The following MTF2 variants were observed in gnomAD, a reference collection of about 807,000 sequenced individuals.
MTF2 encodes metal-response element-binding transcription factor 2.
In MTF2, 11 loss-of-function variants were observed where a neutral mutation model predicts 79.5. That is an observed-to-expected ratio of 0.14 (90% CI 0.09 to 0.23). The LOEUF is 0.23. MTF2 is among the 10% of genes least tolerant of loss of function. The pLI, the probability that MTF2 is intolerant of heterozygous loss-of-function variation, is 1.00. For synonymous variants in MTF2, 208 were observed against 232.8 expected (o/e 0.89, Z 0.97); for missense variants, 486 against 711.2 (o/e 0.68, Z 3.60).
At chr1:93,111,768 C>G (rs530868337) in intron 3 of MTF2, among the ~76,000 whole-genome samples, 48 of 152,182 alleles carry the variant, frequency 3.2e-4, no homozygotes, top group African/African-American at 1.1e-3. Context: ...TAGGAGATCT[C>G]CAACACTACT....
intron 1 of MTF2, among the ~76,000 whole-genome samples, chr1:93,083,919 ACTGT>A (rs1301568926): frequency 2.6e-5 from 4 of 152,100 alleles, no homozygotes; most frequent in African/African-American, 9.7e-5. Flanking sequence ...AAAAAATGGG[ACTGT>A]CTTTTTATTC....
intron 11 of MTF2, among the ~76,000 whole-genome samples, chr1:93,133,382 T>G (rs899200033): frequency 6.6e-6 from 1 of 152,106 alleles, no homozygotes; most frequent in Non-Finnish European, 1.5e-5. Flanking sequence ...AGTTTTGAAA[T>G]CTTCCATCCA....
chr1:93,082,661 G>A (rs1557537949), intron 1 of MTF2, among the ~76,000 whole-genome samples: 2 of 152,016 alleles, frequency 1.3e-5, no homozygotes. Context: ...TAACTGTACA[G>A]TTGTTAATAA....
Position 93,079,452 on chromosome 1 carries a change from G to T in MTF2, c.-75G>T, listed in dbSNP as rs1277826241. On this transcript the variant is annotated 5_prime_UTR_variant, in exon 1 of 15. Coordinates refer to ENST00000370298, the MANE Select transcript of MTF2 (RefSeq NM_007358.4). The stretch of plus-strand genomic sequence containing the variant: ...GGGTGCCCAGTAAGTGCTCGGACTC[G>T]CAGGGGAAGCGCCCACGGGGACGGA... 40 of 1,601,668 alleles carry T rather than the reference G, an allele frequency of 2.5e-5. No individual in the cohort carries two copies. The highest frequency in any genetic ancestry group is 3.4e-5 in the Non-Finnish European group (40 of 1,169,918).
rs1655980294 is a variant in MTF2 at position 93,110,365 on chromosome 1, A to G, written c.141A>G (p.Glu47=). ...HKAKKPACKF[E]EGQDVLARWS... is the part of the protein sequence containing the mutation. ...CCAAAAAGCCAGCATGTAAATTTGA[A>G]GAGGGTCAGGATGTCCTAGCTAGAT... Residue 47 remains glutamate, a synonymous_variant, in exon 2 of 15, where the codon GAA becomes GAG. Coordinates refer to ENST00000370298, the MANE Select transcript of MTF2 (RefSeq NM_007358.4). 1 of 1,614,096 alleles carries G rather than the reference A, an allele frequency of 6.2e-7. No homozygotes were observed. The highest frequency in any genetic ancestry group is 1.7e-5 in the Admixed American group (1 of 60,002).
intron 9 of MTF2, among the ~76,000 whole-genome samples, chr1:93,122,850 TTAA>T (rs1451062987): frequency 1.3e-5 from 2 of 152,130 alleles, no homozygotes; most frequent in South Asian, 2.1e-4. Flanking sequence ...GGGTGAGTTT[TTAA>T]TAATAAAGAG....
In MTF2 at chr1:93,128,543, G is replaced by A. The variant is rs568387596; in HGVS notation, c.990-735G>A. 4.3e-4 allele frequency among the ~76,000 whole-genome samples: 52 copies of A among 120,906 alleles called. 1 individual carries two copies. The highest frequency in any genetic ancestry group is 1.3e-3 in the South Asian group (4 of 3,136). 79.3% of individuals were successfully genotyped at this position (120,906 alleles called of 152,430 possible). ...TGCACTCTAGCCTGGGTGACAGAGC[G>A]AGACTCTGTCTCAAAAAAAAAAAAA... On this transcript the variant is annotated intron_variant, in intron 10 of 14. Transcript: ENST00000370298.
intron 1 of MTF2, among the ~76,000 whole-genome samples, chr1:93,082,244 A>T (rs1385200927): frequency 6.6e-6 from 1 of 152,010 alleles, no homozygotes; most frequent in African/African-American, 2.4e-5. Flanking sequence ...AGTGAGCAGA[A>T]TAGAATAGTG....
At chr1:93,095,427 G>A (rs1438869304) in intron 1 of MTF2, among the ~76,000 whole-genome samples, 3 of 151,896 alleles carry the variant, frequency 2.0e-5, no homozygotes, top group Admixed American at 6.6e-5. Context: ...TGCAACCTCC[G>A]CCTCCTGGGT....
At position 93,138,476 on chromosome 1, in the gene MTF2, G is replaced by A. The variant is rs1647490862; in HGVS notation, c.*1449G>A. ...TTAGTACTTATTTATTCCATTAATTGATTATTTGACTGTTTATAAAGAAAG... is the reference window on the plus strand; with the variant it reads ...TTAGTACTTATTTATTCCATTAATTAATTATTTGACTGTTTATAAAGAAAG... On this transcript the variant is annotated 3_prime_UTR_variant, in exon 15 of 15. Transcript: ENST00000370298. The A allele has an allele frequency of 6.6e-6, 1 of 152,156 alleles. No homozygotes were observed. The highest frequency in any genetic ancestry group is 6.5e-5 in the Admixed American group (1 of 15,276). 9.4% of individuals were successfully genotyped at this position (152,156 alleles called of 1,614,324 possible).
chr1:93,088,259 T>C (rs1014088983), intron 1 of MTF2, among the ~76,000 whole-genome samples: 2 of 152,262 alleles, frequency 1.3e-5, no homozygotes, highest in African/African-American at 4.8e-5. Flanking sequence ...TGAACATGAA[T>C]GTATGTACCT....
At chr1:93,120,763 G>A (rs1047545025) in intron 9 of MTF2, 91 bp downstream of exon 9, 1 of 1,530,648 alleles carries the variant, frequency 6.5e-7, no homozygotes, top group African/African-American at 1.4e-5. Context: ...ACATGTATAA[G>A]TCAGACAACT....
At chr1:93,118,679 T>TATGGTCATAGTA (rs1195718149) in intron 7 of MTF2, among the ~76,000 whole-genome samples, 48 of 152,326 alleles carry the variant, frequency 3.2e-4, no homozygotes, top group African/African-American at 1.1e-3. Flanking sequence ...CCCATAGTAC[T>TATGGTCATAGTA]CTAAAGTATT....
chr1:93,084,137 C>T (rs1384740907), intron 1 of MTF2, among the ~76,000 whole-genome samples: 10 of 151,686 alleles, frequency 6.6e-5, no homozygotes, highest in Admixed American at 1.3e-4. Flanking sequence ...CATTTAGGTC[C>T]GTCATCTATT....
chr1:93,103,119 G>A (rs1054422428), intron 1 of MTF2, among the ~76,000 whole-genome samples: 1 of 151,500 alleles, frequency 6.6e-6, no homozygotes, highest in Non-Finnish European at 1.5e-5. Context: ...GTGACACAGT[G>A]AGACTAGCTC....
chr1:93,090,694 A>G (rs1571217489), intron 1 of MTF2, among the ~76,000 whole-genome samples: 1 of 140,372 alleles, frequency 7.1e-6, no homozygotes, highest in South Asian at 2.2e-4. Flanking sequence ...GACGGAGTCT[A>G]ACTGTGTTAC....
Position 93,079,447 on chromosome 1 carries a change from G to T in MTF2, c.-80G>T. On this transcript the variant is annotated 5_prime_UTR_variant, in exon 1 of 15. Coordinates refer to ENST00000370298, the MANE Select transcript of MTF2 (RefSeq NM_007358.4). ...GGGGCGGGTGCCCAGTAAGTGCTCG[G>T]ACTCGCAGGGGAAGCGCCCACGGGG... The T allele has an allele frequency of 6.3e-7, 1 of 1,591,972 alleles. No individual in the cohort carries two copies. The highest frequency in any genetic ancestry group is 8.6e-7 in the Non-Finnish European group (1 of 1,161,280).
intron 1 of MTF2, among the ~76,000 whole-genome samples, chr1:93,101,374 T>C: frequency 1.0e-5 from 1 of 98,708 alleles, no homozygotes; most frequent in African/African-American, 5.6e-5. Context: ...ACCTTTTTTT[T>C]TTTTTTTTTT....
In MTF2 at chr1:93,109,742, A is replaced by G. The variant is rs79277155; in HGVS notation, c.6-488A>G. ...GCTCAATTCAGTGGTGATTCCCTGT[A>G]AGGAGAAGGTCATGACTGCCCTTCC... On this transcript the variant is annotated intron_variant, in intron 1 of 14. Transcript: ENST00000370298. Among the ~76,000 whole-genome samples, 78 of 152,206 alleles carry G rather than the reference A, an allele frequency of 5.1e-4. 2 individuals are homozygous for G. In the East Asian group the frequency reaches 0.012, roughly 23 times the overall value.
Sources: allele counts gnomAD v4.1 joint callset (sites outside exome capture counted in the v4.1 genomes callset), GRCh38; gene constraint gnomAD v4.1.1; transcripts MANE v1.5; gene names NCBI Gene and HGNC (gene_info 2026-07-23, HGNC 2026-07-21).